The following EXD1 variants were observed in gnomAD, a reference collection of about 807,000 sequenced individuals.
EXD1 encodes exonuclease 3'-5' domain containing 1, also known as piRNA biogenesis protein EXD1.
Under a neutral mutation model 49.1 loss-of-function variants are expected in EXD1, and 63 were observed. The ratio of observed to expected loss-of-function variants is 1.28; its 90% CI spans 1.05 to 1.58. The LOEUF (loss-of-function observed/expected upper bound fraction) is 1.58, where lower values mean the gene tolerates loss of function less well. Among genes scored for constraint, EXD1 ranks in the 40% most tolerant of loss-of-function variants. The pLI, the probability that EXD1 is intolerant of heterozygous loss-of-function variation, is 0.00. For synonymous variants in EXD1, 234 were observed against 239.2 expected (o/e 0.98, Z 0.20); for missense variants, 748 against 666.0 (o/e 1.12, Z -1.36).
chr15:41,199,041 G>A (rs1381119443), intron 7 of EXD1, among the ~76,000 whole-genome samples: 2 of 150,872 alleles, frequency 1.3e-5, no homozygotes, highest in Admixed American at 6.6e-5. Flanking sequence ...TCGGCTCACT[G>A]CAACCTCTGC....
At chr15:41,190,401 A>G in intron 10 of EXD1, 1 of 384,812 alleles carries the variant, frequency 2.6e-6, no homozygotes, top group South Asian at 2.3e-5. Context: ...TAAACCTGGG[A>G]GGCGGAGCTT....
chr15:41,209,669 G>T, intron 6 of EXD1, 82 bp from the exon 7 acceptor site: 3 of 1,197,744 alleles, frequency 2.5e-6, no homozygotes, highest in South Asian at 1.3e-5. Flanking sequence ...CAAATACAAT[G>T]GTCAGCAGTA....
At chr15:41,200,555 G>A (rs746991456) in intron 7 of EXD1, among the ~76,000 whole-genome samples, 1 of 152,074 alleles carries the variant, frequency 6.6e-6, no homozygotes, top group Non-Finnish European at 1.5e-5. Context: ...ATGAGTAAAT[G>A]TAAGTAAAAT....
intron 2 of EXD1, among the ~76,000 whole-genome samples, chr15:41,220,815 C>T (rs1382333389): frequency 6.6e-6 from 1 of 152,184 alleles, no homozygotes; most frequent in East Asian, 1.9e-4. Flanking sequence ...TATATTCCTA[C>T]TAGGATCAAA....
chr15:41,199,753 A>AATATATATCATATATG (rs1326775145), intron 7 of EXD1, among the ~76,000 whole-genome samples: 3 of 96,890 alleles, frequency 3.1e-5, no homozygotes, highest in Admixed American at 1.3e-4. Flanking sequence ...TATATTATAT[A>AATATATATCATATATG]TGATACATAT....
At chr15:41,207,109 C>T (rs1312095546) in intron 7 of EXD1, among the ~76,000 whole-genome samples, 18 of 150,236 alleles carry the variant, frequency 1.2e-4, no homozygotes, top group African/African-American at 2.4e-5. Context: ...AGCGTGGTGG[C>T]GGGAGCCTGT....
In EXD1 at chr15:41,230,477, A is replaced by G; in HGVS notation, c.-54+2T>C. 1 of 1,613,576 alleles carries G rather than the reference A, an allele frequency of 6.2e-7. No homozygotes were observed. Among genetic ancestry groups the G allele is most frequent in the Non-Finnish European group, 8.5e-7 (1 of 1,179,466 alleles). On this transcript the variant is annotated splice_donor_variant, in intron 1 of 11. Coordinates refer to ENST00000458580, the MANE Select transcript of EXD1 (RefSeq NM_001286441.2). LOFTEE classifies it low-confidence loss of function (5UTR_SPLICE). ...ATAAGGAACTTCAAATAAATGGCGGACCATAAGCTAGGAATTCACTGTCCT... is the reference window on the plus strand; with the variant it reads ...ATAAGGAACTTCAAATAAATGGCGGGCCATAAGCTAGGAATTCACTGTCCT...
intron 10 of EXD1, 38 bp from the exon 11 acceptor site, chr15:41,190,166 A>C (rs758390162): frequency 5.0e-6 from 8 of 1,604,480 alleles, no homozygotes; most frequent in Non-Finnish European, 6.8e-6. Flanking sequence ...AACAGTAAGC[A>C]AGACTTTAAA....
chr15:41,220,689 T>TG (rs1024149634), intron 2 of EXD1, among the ~76,000 whole-genome samples: 3 of 152,202 alleles, frequency 2.0e-5, no homozygotes, highest in Admixed American at 2.0e-4. Context: ...GAAGGTTAGA[T>TG]GCCATGTCCA....
In EXD1 at chr15:41,187,324, AG is replaced by A. The variant is rs1459926869; in HGVS notation, c.1056+2612del. Among the ~76,000 whole-genome samples, 3 of 152,210 alleles carry A rather than the reference AG, an allele frequency of 2.0e-5. No individual in the cohort carries two copies. The East Asian group carries it at 5.8e-4, about 29-fold the overall frequency. ...AGGCTGGTCTTGAACTCCTGACCTC[AG>A]GTGAACCACCCACCTTGGCCTCCCA... On this transcript the variant is annotated intron_variant, in intron 11 of 11. Coordinates refer to ENST00000458580, the MANE Select transcript of EXD1 (RefSeq NM_001286441.2).
At chr15:41,221,955 C>A (rs1217380113) in intron 2 of EXD1, among the ~76,000 whole-genome samples, 2 of 151,188 alleles carry the variant, frequency 1.3e-5, no homozygotes, top group Non-Finnish European at 2.9e-5. Flanking sequence ...CAAAAATTAG[C>A]CAGGCGCGGT....
At chr15:41,200,085 G>T (rs2899013) in intron 7 of EXD1, among the ~76,000 whole-genome samples, 78,128 of 150,720 alleles carry the variant, frequency 0.52, 22,349 homozygotes, top group African/African-American at 0.78. Flanking sequence ...TTTGTATTTT[G>T]TTTAGAGATA....
intron 7 of EXD1, among the ~76,000 whole-genome samples, chr15:41,205,025 T>A (rs1055872097): frequency 2.0e-5 from 3 of 152,214 alleles, no homozygotes; most frequent in African/African-American, 7.2e-5. Flanking sequence ...TCAATCATAT[T>A]TCTCCATAGC....
In EXD1 at chr15:41,184,500, C is replaced by T. The variant is rs1415295042; in HGVS notation, c.1150G>A (p.Ala384Thr). 1.2e-6 allele frequency: 2 copies of T among 1,614,132 alleles called. No homozygotes were observed. The highest frequency in any genetic ancestry group is 2.2e-5 in the South Asian group (2 of 91,078). The change falls in exon 12 of 12, where the codon GCA becomes ACA. Residue 384 changes from alanine to threonine, a missense_variant. Ala to Thr is a moderately conservative substitution (Grantham distance 58). Coordinates refer to ENST00000458580, the MANE Select transcript of EXD1 (RefSeq NM_001286441.2). Reference protein sequence around the residue: ...EKAAREYRVNAQGLLIRTVLQ... With the variant: ...EKAAREYRVNTQGLLIRTVLQ... ...ACTGTCCTTATCAGGAGTCCCTGTG[C>T]ATTCACCCTATATTCTCTTGCAGCT...
At chr15:41,204,265 AATC>A (rs1235275703) in intron 7 of EXD1, among the ~76,000 whole-genome samples, 1 of 137,824 alleles carries the variant, frequency 7.3e-6, no homozygotes, top group Admixed American at 7.3e-5. Context: ...AAAAAAAAAA[AATC>A]AGCCAGGCAC....
intron 1 of EXD1, among the ~76,000 whole-genome samples, chr15:41,226,963 G>A (rs995240574): frequency 2.6e-5 from 4 of 152,196 alleles, no homozygotes; most frequent in Middle Eastern, 3.4e-3. Context: ...AAAATGAAAA[G>A]AGCAAATGAA....
Position 41,183,862 on chromosome 15 carries a change from C to T in EXD1, c.*69G>A, listed in dbSNP as rs2046359077. ...ACATTTACAACATGAGAAACCTGGG[C>T]ACTGTGGAAAGCCCTGATGGCAAAG... On this transcript the variant is annotated 3_prime_UTR_variant, in exon 12 of 12. Coordinates refer to ENST00000458580, the MANE Select transcript of EXD1 (RefSeq NM_001286441.2). 1 of 1,445,796 alleles carries T rather than the reference C, an allele frequency of 6.9e-7. No homozygotes were observed. Among genetic ancestry groups the T allele is most frequent in the Non-Finnish European group, 9.3e-7 (1 of 1,072,954 alleles). 89.6% of individuals were successfully genotyped at this position (1,445,796 alleles called of 1,614,324 possible).
At position 41,215,817 on chromosome 15, in the gene EXD1, T is replaced by C. The variant is rs1027888703; in HGVS notation, c.405A>G (p.Thr135=). ...KYSPSEEEEV[T]YTVINQFQQK... ...GCTGGAATTGATTAATGACTGTGTA[T>C]GTCACCTCCTCTTCCTCTACAAGAC... Residue 135 remains threonine, a synonymous_variant, in exon 6 of 12, where the codon ACA becomes ACG. Coordinates refer to ENST00000458580, the MANE Select transcript of EXD1 (RefSeq NM_001286441.2). 38 of 1,614,032 alleles carry C rather than the reference T, an allele frequency of 2.4e-5. No homozygotes were observed. The highest frequency in any genetic ancestry group is 3.2e-5 in the Non-Finnish European group (38 of 1,179,950).
intron 2 of EXD1, among the ~76,000 whole-genome samples, chr15:41,222,352 T>G (rs923396050): frequency 6.6e-6 from 1 of 151,990 alleles, no homozygotes; most frequent in African/African-American, 2.4e-5. Context: ...GAGGCGGAGG[T>G]TGCAGTGAGT....
Sources: allele counts gnomAD v4.1 joint callset (sites outside exome capture counted in the v4.1 genomes callset), GRCh38; gene constraint gnomAD v4.1.1; transcripts MANE v1.5; gene names NCBI Gene and HGNC (gene_info 2026-07-23, HGNC 2026-07-21).